The following FRMPD1 variants were observed in gnomAD, a reference collection of about 807,000 sequenced individuals.
FRMPD1 encodes FERM and PDZ domain-containing protein 1.
Under a neutral mutation model 117.8 loss-of-function variants are expected in FRMPD1, and 76 were observed. That is an observed-to-expected ratio of 0.65 (90% CI 0.54 to 0.78). The LOEUF is 0.78. FRMPD1 is among the 30% of genes least tolerant of loss of function. The pLI is 0.00. For missense variants in FRMPD1, 1,786 were observed against 1,964.5 expected, an observed-to-expected ratio of 0.91 and a Z score of 1.72; for synonymous variants, 783 against 770.4, an observed-to-expected ratio of 1.02 and a Z score of -0.27.
intron 1 of FRMPD1, among the ~76,000 whole-genome samples, chr9:37,652,049 G>A (rs1820690991): frequency 6.6e-6 from 1 of 152,208 alleles, no homozygotes; most frequent in African/African-American, 2.4e-5. Context: ...GCTTTGGACC[G>A]TCATGAAATA....
intron 5 of FRMPD1, among the ~76,000 whole-genome samples, chr9:37,716,455 C>T (rs1823123617): frequency 6.6e-6 from 1 of 152,184 alleles, no homozygotes; most frequent in East Asian, 1.9e-4. Context: ...AGTCATTTTC[C>T]AATGACTTCC....
Position 37,730,977 on chromosome 9 carries a change from A to G in FRMPD1, c.739-7A>G, listed in dbSNP as rs1312227312. 6.2e-7 allele frequency: 1 copy of G among 1,613,858 alleles called. No homozygotes were observed. The highest frequency in any genetic ancestry group is 8.5e-7 in the Non-Finnish European group (1 of 1,179,824). ...GAGATTAATAGTATCTCCCTTACCC[A>G]TCGCAGGTGGTAGAAAGGGAGGAGT... is the stretch of plus-strand genomic sequence containing the variant. On this transcript the variant is annotated splice_polypyrimidine_tract_variant and splice_region_variant and intron_variant, in intron 8 of 15. Transcript: ENST00000377765.
intron 14 of FRMPD1, 77 bp downstream of exon 14, chr9:37,737,320 G>A: frequency 7.3e-7 from 1 of 1,361,756 alleles, no homozygotes. Flanking sequence ...CTAAAGGGAG[G>A]TGGTGAATTG....
chr9:37,636,710 G>A, the FRMPD1 span: 13 of 1,570,562 alleles, frequency 8.3e-6, no homozygotes, highest in Admixed American at 6.4e-5. Context: ...ACCGCCAGCC[G>A]GCTTTACAGG....
At chr9:37,645,624 A>C in the FRMPD1 span, among the ~76,000 whole-genome samples, 670 of 152,320 alleles carry the variant, frequency 4.4e-3, 3 homozygotes, top group Admixed American at 9.1e-3. Context: ...ACAGATAATG[A>C]ACTTTCTAGC....
chr9:37,692,794 G>C (rs1166543698), intron 2 of FRMPD1, 52 bp downstream of exon 2: 1 of 1,295,218 alleles, frequency 7.7e-7, no homozygotes, highest in East Asian at 2.3e-5. Flanking sequence ...GGTGTCCCGG[G>C]GGAGGAGCTT....
At chr9:37,619,531 G>T in the FRMPD1 span, among the ~76,000 whole-genome samples, 2 of 152,166 alleles carry the variant, frequency 1.3e-5, no homozygotes, top group Non-Finnish European at 2.9e-5. Context: ...GCCAAGGTGG[G>T]TGGATCACCT....
intron 12 of FRMPD1, 106 bp from the exon 13 acceptor site, chr9:37,735,446 A>T: frequency 1.2e-6 from 1 of 822,660 alleles, no homozygotes; most frequent in South Asian, 1.6e-5. Flanking sequence ...GTTAGGATCC[A>T]AAGTAGGAAT....
At chr9:37,605,687 T>TTTAG in the FRMPD1 span, among the ~76,000 whole-genome samples, 1 of 88,760 alleles carries the variant, frequency 1.1e-5, no homozygotes, top group Non-Finnish European at 2.8e-5. Context: ...TAGAATTTTA[T>TTTAG]TTATTTATTT....
At chr9:37,637,697 C>T in the FRMPD1 span, among the ~76,000 whole-genome samples, 40 of 152,324 alleles carry the variant, frequency 2.6e-4, 1 homozygote, top group East Asian at 5.6e-3. Context: ...ATCACTTAAT[C>T]TCTCCAGGCC....
intron 7 of FRMPD1, among the ~76,000 whole-genome samples, chr9:37,725,779 C>G (rs1181838475): frequency 6.6e-6 from 1 of 152,260 alleles, no homozygotes; most frequent in Non-Finnish European, 1.5e-5. Context: ...GAAGAGAAAA[C>G]AGGCCCAAGA....
chr9:37,717,381 A>ATATTTT (rs1335593457), intron 5 of FRMPD1, among the ~76,000 whole-genome samples: 3 of 114,342 alleles, frequency 2.6e-5, no homozygotes, highest in Non-Finnish European at 5.3e-5. Context: ...ATATATATAT[A>ATATTTT]TTTTTTTTTT....
chr9:37,654,050 AT>A (rs1554659144), intron 1 of FRMPD1, among the ~76,000 whole-genome samples: 1 of 152,186 alleles, frequency 6.6e-6, no homozygotes, highest in Non-Finnish European at 1.5e-5. Flanking sequence ...ACTGTCCTTC[AT>A]TTTTTCAATC....
chr9:37,661,713 T>C (rs1200490461), intron 1 of FRMPD1: 1 of 152,258 alleles, frequency 6.6e-6, no homozygotes, highest in African/African-American at 2.4e-5. Flanking sequence ...CAGTTTCCTA[T>C]CTGTGGGCTA....
the FRMPD1 span, among the ~76,000 whole-genome samples, chr9:37,620,621 G>A: frequency 5.9e-5 from 9 of 152,074 alleles, no homozygotes; most frequent in Non-Finnish European, 1.2e-4. Context: ...CTGTCTGGTG[G>A]AGCAGTCTTG....
chr9:37,681,366 G>A lies in FRMPD1; in HGVS notation c.-4-11272G>A, dbSNP rs866701901. 4.3e-4 allele frequency among the ~76,000 whole-genome samples: 66 copies of A among 152,316 alleles called. No individual in the cohort carries two copies. The Middle Eastern group carries it at 0.024, about 55-fold the overall frequency. On this transcript the variant is annotated intron_variant, in intron 1 of 15. Coordinates refer to ENST00000377765, the MANE Select transcript of FRMPD1 (RefSeq NM_014907.3). ...AGACTTGACTGAGATCCCTGAGTAG[G>A]GAAGAGAGGTTTGAAACTCCTTCCT...
At chr9:37,707,202 G>A (rs947876562) in intron 2 of FRMPD1, among the ~76,000 whole-genome samples, 1 of 152,096 alleles carries the variant, frequency 6.6e-6, no homozygotes, top group Non-Finnish European at 1.5e-5. Context: ...TAGATATTTA[G>A]CATTAGCTCA....
At chr9:37,709,359 T>C (rs930252372) in intron 4 of FRMPD1, among the ~76,000 whole-genome samples, 23 of 141,866 alleles carry the variant, frequency 1.6e-4, no homozygotes, top group African/African-American at 6.7e-4. Context: ...TGTTTTTTTT[T>C]CCCTTTTTTT....
chr9:37,617,166 A>G, the FRMPD1 span, among the ~76,000 whole-genome samples: 1 of 152,198 alleles, frequency 6.6e-6, no homozygotes, highest in Non-Finnish European at 1.5e-5. Context: ...CACTAATATG[A>G]TGGAAATGGG....
Sources: gnomAD v4.1 joint callset for allele counts (sites outside exome capture counted in the v4.1 genomes callset) on GRCh38, gnomAD v4.1.1 for gene constraint, MANE v1.5 for transcripts, NCBI Gene and HGNC (gene_info 2026-07-23, HGNC 2026-07-21) for gene names.